DNAH11: variants seen among roughly 807,000 people sequenced by gnomAD.
The protein encoded by DNAH11 is axonemal beta dynein heavy chain 11.
DNAH11 carries 442 observed loss-of-function variants against 526.0 expected under a neutral mutation model. That is an observed-to-expected ratio of 0.84 (90% CI 0.78 to 0.91). The LOEUF is 0.91. Among genes scored for constraint, DNAH11 ranks in the 40% least tolerant of loss-of-function variants. The probability of loss-of-function intolerance (pLI) is 0.00; values close to 1 mark genes in which losing one functional copy is unlikely to be tolerated. For missense variants in DNAH11, 6,989 were observed against 5,448.7 expected (o/e 1.28, Z -8.90); for synonymous variants, 2,461 against 1,935.9 (o/e 1.27, Z -7.12).
chr7:21,619,906 T>C (rs1311663034), intron 24 of DNAH11, 50 bp from the exon 25 acceptor site: 4 of 1,508,418 alleles, frequency 2.7e-6, no homozygotes, highest in South Asian at 1.3e-5. Context: ...AGTCTACATA[T>C]TGATTATCAA....
chr7:21,610,917 A>C (rs1346621513), intron 20 of DNAH11, among the ~76,000 whole-genome samples: 2 of 152,246 alleles, frequency 1.3e-5, no homozygotes, highest in Admixed American at 1.3e-4. Flanking sequence ...GGAAGAGAGA[A>C]TGAACAGAAT....
intron 73 of DNAH11, among the ~76,000 whole-genome samples, chr7:21,872,123 CAAAAAAAAA>C (rs776718319): frequency 1.3e-4 from 4 of 30,832 alleles, no homozygotes; most frequent in South Asian, 2.2e-3. Context: ...GACTCTGTCT[CAAAAAAAAA>C]AAAAAAAAAA....
At chr7:21,589,133 G>A in intron 11 of DNAH11, 75 bp from the exon 12 acceptor site, 1 of 1,125,920 alleles carries the variant, frequency 8.9e-7, no homozygotes, top group Non-Finnish European at 1.2e-6. Flanking sequence ...TTTATATATT[G>A]TATTACTATA....
intron 65 of DNAH11, among the ~76,000 whole-genome samples, chr7:21,823,789 T>G (rs1790155967): frequency 6.6e-6 from 1 of 152,142 alleles, no homozygotes; most frequent in African/African-American, 2.4e-5. Flanking sequence ...TTAGTTAAAA[T>G]ATTAAAAACA....
chr7:21,822,493 A>G (rs137953106), intron 65 of DNAH11, among the ~76,000 whole-genome samples: 53 of 152,216 alleles, frequency 3.5e-4, no homozygotes, highest in Non-Finnish European at 3.4e-4. Context: ...TGAGATTTGG[A>G]GAGGACAAAT....
At chr7:21,793,715 A>T (rs115372579) in intron 61 of DNAH11, among the ~76,000 whole-genome samples, 1,615 of 152,164 alleles carry the variant, frequency 0.011, 22 homozygotes, top group African/African-American at 0.037. Flanking sequence ...TTTATCATTA[A>T]TGTTTCTTTG....
At chr7:21,556,146 C>G (rs548537637) in intron 2 of DNAH11, among the ~76,000 whole-genome samples, 2 of 152,166 alleles carry the variant, frequency 1.3e-5, no homozygotes, top group East Asian at 3.9e-4. Context: ...AGGTTATACC[C>G]TGGTCCCTTT....
At chr7:21,768,656 A>G (rs1256799089) in intron 55 of DNAH11, among the ~76,000 whole-genome samples, 1 of 152,218 alleles carries the variant, frequency 6.6e-6, no homozygotes, top group Non-Finnish European at 1.5e-5. Flanking sequence ...TTCCCCATGC[A>G]ACCACCTCTT....
chr7:21,672,190 A>G (rs2128469604), intron 30 of DNAH11, among the ~76,000 whole-genome samples: 1 of 152,306 alleles, frequency 6.6e-6, no homozygotes, highest in Middle Eastern at 3.4e-3. Context: ...ATGTCTTGTT[A>G]GAAAGGGATC....
chr7:21,660,860 C>T (rs1193000025), intron 30 of DNAH11, among the ~76,000 whole-genome samples: 1 of 151,924 alleles, frequency 6.6e-6, no homozygotes, highest in African/African-American at 2.4e-5. Flanking sequence ...TATATTTTCA[C>T]TCAATATATT....
chr7:21,587,288 A>G (rs928528465), intron 9 of DNAH11, among the ~76,000 whole-genome samples: 4 of 152,130 alleles, frequency 2.6e-5, no homozygotes, highest in Admixed American at 2.6e-4. Context: ...TGACTGAGCA[A>G]GAGGAGTTTG....
At chr7:21,777,922 T>C (rs1450634533) in intron 56 of DNAH11, among the ~76,000 whole-genome samples, 1 of 152,202 alleles carries the variant, frequency 6.6e-6, no homozygotes, top group Non-Finnish European at 1.5e-5. Flanking sequence ...ACCACTGAAA[T>C]GTCTTTAGCA....
At chr7:21,709,841 C>A (rs1457636663) in intron 40 of DNAH11, among the ~76,000 whole-genome samples, 1 of 152,112 alleles carries the variant, frequency 6.6e-6, no homozygotes, top group Non-Finnish European at 1.5e-5. Context: ...TAGATACTGT[C>A]ACTTTTGGCA....
At chr7:21,647,492 T>C (rs561706858) in intron 28 of DNAH11, among the ~76,000 whole-genome samples, 84 of 147,874 alleles carry the variant, frequency 5.7e-4, no homozygotes, top group South Asian at 2.6e-3. Context: ...TGTAGTGGCC[T>C]GATCTCGGCT....
chr7:21,586,212 C>T (rs1784473759), intron 9 of DNAH11, among the ~76,000 whole-genome samples: 1 of 152,136 alleles, frequency 6.6e-6, no homozygotes, highest in Non-Finnish European at 1.5e-5. Context: ...TAGGAAGCTT[C>T]TGGTATTCTT....
chr7:21,875,478 C>A lies in DNAH11; in HGVS notation c.12195+1977C>A, dbSNP rs74949594. ...ATCTCATAAAACTGTGGACACTCTCCCCAGGGAAATACACGTTCGAAAATA... is the reference window on the plus strand; with the variant it reads ...ATCTCATAAAACTGTGGACACTCTCACCAGGGAAATACACGTTCGAAAATA... On this transcript the variant is annotated intron_variant, in intron 74 of 81. Coordinates refer to ENST00000409508, the MANE Select transcript of DNAH11 (RefSeq NM_001277115.2). 1.1e-3 allele frequency among the ~76,000 whole-genome samples: 162 copies of A among 152,030 alleles called. 2 individuals are homozygous for A. Among genetic ancestry groups the A allele is most frequent in the African/African-American group, 3.8e-3 (156 of 41,468 alleles).
At chr7:21,657,296 C>A (rs564666720) in intron 29 of DNAH11, among the ~76,000 whole-genome samples, 1 of 152,054 alleles carries the variant, frequency 6.6e-6, no homozygotes, top group Non-Finnish European at 1.5e-5. Context: ...TGGGGAGTTC[C>A]GAAATGGCCC....
intron 2 of DNAH11, among the ~76,000 whole-genome samples, chr7:21,551,254 C>T (rs368754691): frequency 5.3e-5 from 8 of 152,312 alleles, no homozygotes; most frequent in African/African-American, 1.7e-4. Context: ...TGGGATCAGG[C>T]TTGTCTTCTA....
intron 61 of DNAH11, among the ~76,000 whole-genome samples, chr7:21,799,276 G>C (rs1184274464): frequency 6.6e-6 from 1 of 151,714 alleles, no homozygotes; most frequent in African/African-American, 2.4e-5. Flanking sequence ...TTCTGTGCTT[G>C]GTAAAACTAT....
Sources: allele counts gnomAD v4.1 joint callset (sites outside exome capture counted in the v4.1 genomes callset), GRCh38; gene constraint gnomAD v4.1.1; transcripts MANE v1.5; gene names NCBI Gene and HGNC (gene_info 2026-07-23, HGNC 2026-07-21).